Variants in CADM1 observed in about 807,000 individuals in gnomAD.
CADM1 encodes the protein TSLC-1.
In CADM1, 15 loss-of-function variants were observed where a neutral mutation model predicts 53.1. The observed-to-expected ratio is 0.28, with a 90% CI of 0.19 to 0.44. The LOEUF (loss-of-function observed/expected upper bound fraction) is 0.44, where lower values mean the gene tolerates loss of function less well. CADM1 is among the 20% of genes least tolerant of loss of function. The pLI is 1.00. For synonymous variants in CADM1, 281 were observed against 243.0 expected (o/e 1.16, Z -1.45); for missense variants, 434 against 611.3 (o/e 0.71, Z 3.06).
At chr11:115,187,499 G>T (rs1429711366) in intron 10 of CADM1, among the ~76,000 whole-genome samples, 1 of 152,132 alleles carries the variant, frequency 6.6e-6, no homozygotes, top group African/African-American at 2.4e-5. Flanking sequence ...CGTCATCTCG[G>T]CTTACTGCAA....
At chr11:115,308,634 T>C (rs73576121) in intron 1 of CADM1, among the ~76,000 whole-genome samples, 1,622 of 152,126 alleles carry the variant, frequency 0.011, 37 homozygotes, top group African/African-American at 0.035. Flanking sequence ...TAGATATCTA[T>C]GGTACCAACA....
At chr11:115,450,521 G>A (rs954326749) in intron 1 of CADM1, among the ~76,000 whole-genome samples, 4 of 152,114 alleles carry the variant, frequency 2.6e-5, no homozygotes, top group African/African-American at 7.2e-5. Flanking sequence ...CTTCAAATGC[G>A]GAAAGCAGCC....
intron 1 of CADM1, among the ~76,000 whole-genome samples, chr11:115,362,307 A>T (rs1437631717): frequency 6.6e-6 from 1 of 152,168 alleles, no homozygotes; most frequent in Non-Finnish European, 1.5e-5. Context: ...ATCTTATACC[A>T]CTGAGAGTTA....
chr11:115,210,385 A>G (rs935093238), intron 7 of CADM1, among the ~76,000 whole-genome samples: 5 of 152,246 alleles, frequency 3.3e-5, no homozygotes, highest in Admixed American at 3.3e-4. Flanking sequence ...TGTAAACAAG[A>G]GAACTAAATA....
At chr11:115,386,029 C>A (rs1029523286) in intron 1 of CADM1, among the ~76,000 whole-genome samples, 6 of 152,202 alleles carry the variant, frequency 3.9e-5, no homozygotes, top group Admixed American at 6.5e-5. Context: ...AACAAAATTA[C>A]CTGCTGGAAT....
chr11:115,189,942 T>C (rs566474011), intron 10 of CADM1, among the ~76,000 whole-genome samples: 11 of 152,152 alleles, frequency 7.2e-5, no homozygotes, highest in African/African-American at 2.4e-4. Flanking sequence ...AAAAATCGAG[T>C]AGTACTATCT....
intron 1 of CADM1, among the ~76,000 whole-genome samples, chr11:115,298,162 T>C (rs1378121156): frequency 1.3e-5 from 2 of 152,208 alleles, no homozygotes; most frequent in Non-Finnish European, 2.9e-5. Context: ...GTCTCAGCAA[T>C]GCTACTGACA....
intron 1 of CADM1, among the ~76,000 whole-genome samples, chr11:115,306,649 T>C (rs1944382554): frequency 6.6e-6 from 1 of 151,902 alleles, no homozygotes; most frequent in Non-Finnish European, 1.5e-5. Context: ...CATTAACAAG[T>C]AGGATTGTGT....
At chr11:115,340,644 A>T (rs1220903538) in intron 1 of CADM1, among the ~76,000 whole-genome samples, 2 of 32,778 alleles carry the variant, frequency 6.1e-5, no homozygotes, top group African/African-American at 1.1e-4. Context: ...ATATATATAT[A>T]TATATATATA....
At chr11:115,486,281 A>C (rs996878346) in intron 1 of CADM1, among the ~76,000 whole-genome samples, 9 of 152,208 alleles carry the variant, frequency 5.9e-5, no homozygotes, top group African/African-American at 1.9e-4. Flanking sequence ...TTCCTAAAAA[A>C]CCAACCTGAT....
At chr11:115,490,506 C>G (rs867811451) in intron 1 of CADM1, among the ~76,000 whole-genome samples, 1 of 148,842 alleles carries the variant, frequency 6.7e-6, no homozygotes, top group African/African-American at 2.5e-5. Context: ...TCAAGCAATT[C>G]GCCTGCCTCA....
intron 3 of CADM1, among the ~76,000 whole-genome samples, chr11:115,236,747 A>G (rs1942024682): frequency 6.6e-6 from 1 of 152,178 alleles, no homozygotes; most frequent in South Asian, 2.1e-4. Flanking sequence ...TTTAGGAAAA[A>G]AAAAAATTTA....
At chr11:115,229,763 C>T (rs957434869) in intron 4 of CADM1, among the ~76,000 whole-genome samples, 3 of 152,224 alleles carry the variant, frequency 2.0e-5, no homozygotes, top group African/African-American at 7.2e-5. Context: ...AAACAACCCC[C>T]TTTGCCTACT....
At chr11:115,490,986 A>T (rs1379045587) in intron 1 of CADM1, among the ~76,000 whole-genome samples, 1 of 152,228 alleles carries the variant, frequency 6.6e-6, no homozygotes, top group Non-Finnish European at 1.5e-5. Flanking sequence ...TAACTGGAAC[A>T]TCCGGACTGA....
At chr11:115,377,125 A>T (rs1255354422) in intron 1 of CADM1, 1 of 152,136 alleles carries the variant, frequency 6.6e-6, no homozygotes, top group East Asian at 1.9e-4. Flanking sequence ...TTAATTATTA[A>T]TTGACCGTGT....
chr11:115,170,730 C>T lies in CADM1; in HGVS notation c.*5744G>A, dbSNP rs1379747791. The T allele has an allele frequency of 1.3e-5, 2 of 152,234 alleles. No homozygotes were observed. Among genetic ancestry groups the T allele is most frequent in the East Asian group, 3.9e-4 (2 of 5,172 alleles). The allele number at this position is 152,234 out of a possible 1,614,324, so 9.4% of individuals were successfully genotyped here. A position where few individuals can be genotyped will look rare whatever the true frequency, so the allele number is the denominator to read the frequency against. On this transcript the variant is annotated 3_prime_UTR_variant, in exon 12 of 12. Transcript: ENST00000331581. The stretch of plus-strand genomic sequence containing the variant: ...GAGGCCATATTGCATTCTGAAGGCC[C>T]CTCACAATATATGATAGCAATACTA...
intron 1 of CADM1, among the ~76,000 whole-genome samples, chr11:115,318,676 C>T (rs532462038): frequency 5.3e-5 from 8 of 152,006 alleles, no homozygotes; most frequent in South Asian, 2.1e-4. Context: ...AATTCAGATA[C>T]GGGAATGGAA....
At chr11:115,244,198 G>C (rs1942334582) in intron 1 of CADM1, among the ~76,000 whole-genome samples, 2 of 152,230 alleles carry the variant, frequency 1.3e-5, no homozygotes, top group Admixed American at 6.5e-5. Flanking sequence ...ATTGTCTAAA[G>C]AAAGATAAAA....
At position 115,175,386 on chromosome 11, in the gene CADM1, A is replaced by T. The variant is rs1938980303; in HGVS notation, c.*1088T>A. 1.0e-6 allele frequency: 1 copy of T among 985,694 alleles called. No individual in the cohort carries two copies. The highest frequency in any genetic ancestry group is 1.1e-4 in the East Asian group (1 of 8,822). 61.1% of individuals were successfully genotyped at this position (985,694 alleles called of 1,614,324 possible). ...AACTAAGCACAAAGGAAAAAAAAAA[A>T]AAAATCAACTCTGTCCCATTCAGTC... On this transcript the variant is annotated 3_prime_UTR_variant, in exon 12 of 12. Coordinates refer to ENST00000331581, the MANE Select transcript of CADM1 (RefSeq NM_001301043.2).
Sources: gnomAD v4.1 joint callset for allele counts (sites outside exome capture counted in the v4.1 genomes callset) on GRCh38, gnomAD v4.1.1 for gene constraint, MANE v1.5 for transcripts, NCBI Gene and HGNC (gene_info 2026-07-23, HGNC 2026-07-21) for gene names.